SLC13A2: variants seen among roughly 807,000 people sequenced by gnomAD.
The protein encoded by SLC13A2 is solute carrier family 13 member 2, also known as Na(+)-coupled citrate transporter.
In SLC13A2, 40 loss-of-function variants were observed where a neutral mutation model predicts 58.5. That is an observed-to-expected ratio of 0.68 (90% CI 0.53 to 0.89). The LOEUF (loss-of-function observed/expected upper bound fraction) is 0.89. SLC13A2 is among the 40% of genes least tolerant of loss of function. The pLI is 0.00. For missense variants in SLC13A2, 694 were observed against 772.6 expected, an observed-to-expected ratio of 0.90 and a Z score of 1.21; for synonymous variants, 341 against 331.6, an observed-to-expected ratio of 1.03 and a Z score of -0.31.
chr17:28,481,900 A>G (rs782087723), intron 1 of SLC13A2, among the ~76,000 whole-genome samples: 1 of 152,160 alleles, frequency 6.6e-6, no homozygotes, highest in Non-Finnish European at 1.5e-5. Flanking sequence ...GGCTCGAGCA[A>G]TCCTCCTGCC....
rs1488077505 is a variant in SLC13A2, at chr17:28,477,187, TTTTTTG to T, written c.102+3379_102+3384del. 2.8e-5 allele frequency among the ~76,000 whole-genome samples: 3 copies of T among 108,104 alleles called. 1 individual carries two copies. The highest frequency in any genetic ancestry group is 5.9e-5 in the Non-Finnish European group (3 of 50,452). The allele number at this position is 108,104 out of a possible 152,430, so 70.9% of individuals were successfully genotyped here. A position where few individuals can be genotyped will look rare whatever the true frequency, so the allele number is the denominator to read the frequency against. ...AAAAAACAAATAAAAAACACCCAAG[TTTTTTG>T]TTTTTTTTTTTTTTTTTTGAGACTG... is the stretch of plus-strand genomic sequence containing the variant. On this transcript the variant is annotated intron_variant, in intron 1 of 11. Transcript: ENST00000314669.
chr17:28,494,034 C>T lies in SLC13A2; in HGVS notation c.1115C>T (p.Thr372Ile). Residue 372 changes from threonine (T) to isoleucine (I), a missense_variant, in exon 8 of 12, where the codon ACA (threonine) becomes ATA (isoleucine). Physicochemically the swap from Thr to Ile is moderately conservative, Grantham distance 89. Coordinates refer to ENST00000314669, the MANE Select transcript of SLC13A2 (RefSeq NM_003984.4). This position sits in a 1 kb window ranked among gnomAD's most constrained non-coding sequence, Gnocchi z 4.0. Reference protein sequence around the residue: ...AKGESMVSDGTVAIFIGIIMF... With the variant: ...AKGESMVSDGIVAIFIGIIMF... Reference sequence around the variant, plus strand: ...ACCAACAGCATGGTGTCCGATGGGACAGTGGCCATCTTCATCGGCATAATT... The same window carrying T: ...ACCAACAGCATGGTGTCCGATGGGATAGTGGCCATCTTCATCGGCATAATT... 2 of 1,614,064 alleles carry T rather than the reference C, an allele frequency of 1.2e-6. No individual in the cohort carries two copies. The highest frequency in any genetic ancestry group is 1.7e-6 in the Non-Finnish European group (2 of 1,179,960).
Position 28,490,523 on chromosome 17 carries a change from G to A in SLC13A2, c.301G>A (p.Glu101Lys). The stretch of plus-strand genomic sequence containing the variant: ...GGGGCTGCTGGTGGCCATCGCGGTG[G>A]AACACTGGAACCTGCATAAACGCAT... ...FGGLLVAIAVEHWNLHKRIAL... is the reference protein window; with the variant it reads ...FGGLLVAIAVKHWNLHKRIAL... Residue 101 changes from glutamate (E) to lysine (K), a missense_variant, in exon 3 of 12, where the codon GAA becomes AAA. Coordinates refer to ENST00000314669, the MANE Select transcript of SLC13A2 (RefSeq NM_003984.4). 6.2e-7 allele frequency: 1 copy of A among 1,614,132 alleles called. No individual in the cohort carries two copies. Among genetic ancestry groups the A allele is most frequent in the Non-Finnish European group, 8.5e-7 (1 of 1,179,984 alleles).
At position 28,493,670 on chromosome 17, in the gene SLC13A2, C is replaced by T. The variant is rs1487571469; in HGVS notation, c.978C>T (p.Thr326=). 1 of 1,614,254 alleles carries T rather than the reference C, an allele frequency of 6.2e-7. No individual in the cohort carries two copies. Among genetic ancestry groups the T allele is most frequent in the Admixed American group, 1.7e-5 (1 of 60,032 alleles). ...AGCACAGGCTGCTGGGCCCCATGACCTTTGCAGAAAAGGCCATCAGCATCC... is the reference window on the plus strand; with the variant it reads ...AGCACAGGCTGCTGGGCCCCATGACTTTTGCAGAAAAGGCCATCAGCATCC... The part of the protein sequence containing the change: ...QTEHRLLGPM[T]FAEKAISILF... Residue 326 remains threonine (T), a synonymous_variant, in exon 7 of 12, where the codon ACC becomes ACT. Coordinates refer to ENST00000314669, the MANE Select transcript of SLC13A2 (RefSeq NM_003984.4).
chr17:28,475,632 G>C (rs543276388), intron 1 of SLC13A2, among the ~76,000 whole-genome samples: 1 of 152,258 alleles, frequency 6.6e-6, no homozygotes, highest in African/African-American at 2.4e-5. Context: ...CCATCTCCAA[G>C]ACTCAGATCC....
At chr17:28,495,542 A>C in intron 9 of SLC13A2, 113 bp from the exon 10 acceptor site, 1 of 1,084,904 alleles carries the variant, frequency 9.2e-7, no homozygotes, top group Non-Finnish European at 1.3e-6. Context: ...GCTGTCTTTG[A>C]CTCTGAATAC....
rs1555604044 is a variant in SLC13A2 at position 28,493,780 on chromosome 17, A to AG, written c.1093dup (p.Glu365GlyfsTer72). On this transcript the variant is annotated frameshift_variant, in exon 7 of 12. Transcript: ENST00000314669. LOFTEE classifies it high-confidence loss of function. ...GGCAATTTGGCTTTTCCCAATGCCAAGGGGGAGAGGTGAGAGTTGCAGGGG... is the reference window on the plus strand; with the variant it reads ...GGCAATTTGGCTTTTCCCAATGCCAAGGGGGGAGAGGTGAGAGTTGCAGGGG... 2 of 1,614,114 alleles carry AG rather than the reference A, an allele frequency of 1.2e-6. No homozygotes were observed. Among genetic ancestry groups the AG allele is most frequent in the South Asian group, 1.1e-5 (1 of 91,072 alleles).
chr17:28,497,083 A>T lies in SLC13A2; in HGVS notation c.1609-16A>T, dbSNP rs782299837. The T allele has an allele frequency of 9.3e-6, 15 of 1,611,618 alleles. No homozygotes were observed. The highest frequency in any genetic ancestry group is 8.3e-5 in the Admixed American group (5 of 59,904). Reference sequence around the variant, plus strand: ...GCCCAGTCCCTGCTTAGCCAAATGGACTCTCCTCACACCAGGCCCGGGCAG... The same window carrying T: ...GCCCAGTCCCTGCTTAGCCAAATGGTCTCTCCTCACACCAGGCCCGGGCAG... On this transcript the variant is annotated splice_polypyrimidine_tract_variant and intron_variant, in intron 11 of 11. Coordinates refer to ENST00000314669, the MANE Select transcript of SLC13A2 (RefSeq NM_003984.4).
At chr17:28,491,365 C>T (rs1254921333) in intron 4 of SLC13A2, 72 bp from the exon 5 acceptor site, 1 of 1,538,672 alleles carries the variant, frequency 6.5e-7, no homozygotes, top group Non-Finnish European at 8.9e-7. Context: ...CCTGGAGGGC[C>T]TTGCAGCCCT....
At chr17:28,490,659 A>G (rs782444556) in intron 3 of SLC13A2, 42 bp from the exon 4 acceptor site, 1 of 1,594,288 alleles carries the variant, frequency 6.3e-7, no homozygotes, top group South Asian at 1.1e-5. Context: ...CAGTCCCTGA[A>G]GGGAAGCTGG....
chr17:28,475,068 G>A (rs781936442), intron 1 of SLC13A2, among the ~76,000 whole-genome samples: 2 of 152,168 alleles, frequency 1.3e-5, no homozygotes, highest in Non-Finnish European at 2.9e-5. Context: ...TCAGTGCTAG[G>A]GACCCATCAG....
At chr17:28,474,431 C>T (rs1397146762) in intron 1 of SLC13A2, among the ~76,000 whole-genome samples, 1 of 152,038 alleles carries the variant, frequency 6.6e-6, no homozygotes, top group Non-Finnish European at 1.5e-5. Context: ...ACTGCCTCCT[C>T]CTCCGCCCCC....
In SLC13A2 at chr17:28,491,480, G is replaced by T; in HGVS notation, c.618G>T (p.Gly206=). The change falls in exon 5 of 12, where the codon GGG becomes GGT. Residue 206 remains glycine, a synonymous_variant. Coordinates refer to ENST00000314669, the MANE Select transcript of SLC13A2 (RefSeq NM_003984.4). ...ALPVTSASSE[G]RAHLSQKHLH... ...CTGTCACGTCTGCCTCTTCGGAGGGGAGGGCACATCTCAGCCAGAAGCATC... is the reference window on the plus strand; with the variant it reads ...CTGTCACGTCTGCCTCTTCGGAGGGTAGGGCACATCTCAGCCAGAAGCATC... 6.2e-7 allele frequency: 1 copy of T among 1,613,774 alleles called. No homozygotes were observed. Among genetic ancestry groups the T allele is most frequent in the Admixed American group, 1.7e-5 (1 of 60,034 alleles).
At chr17:28,490,316 A>C (rs782110552) in intron 2 of SLC13A2, 138 bp from the exon 3 acceptor site, 3 of 1,597,736 alleles carry the variant, frequency 1.9e-6, no homozygotes, top group Non-Finnish European at 2.6e-6. Context: ...GATCATTCAG[A>C]GACCATTTCC....
chr17:28,480,284 T>C (rs191788972), intron 1 of SLC13A2, among the ~76,000 whole-genome samples: 115 of 151,158 alleles, frequency 7.6e-4, no homozygotes, highest in African/African-American at 2.7e-3. Context: ...AAGTGAGCAG[T>C]GATCATGCCA....
chr17:28,480,110 C>T (rs782340880), intron 1 of SLC13A2, among the ~76,000 whole-genome samples: 1 of 150,510 alleles, frequency 6.6e-6, no homozygotes, highest in African/African-American at 2.5e-5. Flanking sequence ...GCCAAGATCA[C>T]GCCACTGCAC....
In SLC13A2 at chr17:28,495,702, GA is replaced by G. The variant is rs1555604498; in HGVS notation, c.1357del (p.Ser453ValfsTer35). On this transcript the variant is annotated frameshift_variant, in exon 10 of 12. Transcript: ENST00000314669. LOFTEE classifies it high-confidence loss of function. ...TGGGAAACAAGCTGACCCCACTGCA[GA>G]GTGTGCCAGCTCCAGCCATTGCCAT... The part of the protein sequence containing the change: ...WLGNKLTPLQ[S>X]VPAPAIAIIL... 6.2e-7 allele frequency: 1 copy of G among 1,612,396 alleles called. No homozygotes were observed. The highest frequency in any genetic ancestry group is 8.5e-7 in the Non-Finnish European group (1 of 1,179,966).
Position 28,490,442 on chromosome 17 carries a change from TCCACCTGCCAGGTTG to T in SLC13A2, c.232-9_237del. 2 of 1,614,054 alleles carry T rather than the reference TCCACCTGCCAGGTTG, an allele frequency of 1.2e-6. No homozygotes were observed. Among genetic ancestry groups the T allele is most frequent in the Non-Finnish European group, 1.7e-6 (2 of 1,180,008 alleles). Reference sequence around the variant, plus strand: ...GGTCTTCCCGCCGCTCAGCCATGTCTCCACCTGCCAGGTTGCCGTCGAGTATCTTAAGGACTCCAA... The same window carrying T: ...GGTCTTCCCGCCGCTCAGCCATGTCTCCGTCGAGTATCTTAAGGACTCCAA... On this transcript the variant is annotated splice_acceptor_variant and splice_polypyrimidine_tract_variant and coding_sequence_variant and intron_variant, in exon 3 of 12. Coordinates refer to ENST00000314669, the MANE Select transcript of SLC13A2 (RefSeq NM_003984.4). LOFTEE classifies it high-confidence loss of function.
In SLC13A2 at chr17:28,495,811, T is replaced by G; in HGVS notation, c.1465T>G (p.Ser489Ala). ...TTTIFLPILA[S>A]MAQAICLHPL... Reference sequence around the variant, plus strand: ...TACGATCTTCCTGCCCATCCTAGCCTCCATGGTGAGCTGGCCCTCAGAAAC... The same window carrying G: ...TACGATCTTCCTGCCCATCCTAGCCGCCATGGTGAGCTGGCCCTCAGAAAC... Residue 489 changes from serine to alanine, a missense_variant, in exon 10 of 12, where the codon TCC becomes GCC. Transcript: ENST00000314669. 1 of 1,612,084 alleles carries G rather than the reference T, an allele frequency of 6.2e-7. No homozygotes were observed. Among genetic ancestry groups the G allele is most frequent in the South Asian group, 1.1e-5 (1 of 90,868 alleles).
Sources: gnomAD v4.1 joint callset for allele counts (sites outside exome capture counted in the v4.1 genomes callset) on GRCh38, gnomAD v4.1.1 for gene constraint, Gnocchi (gnomAD v3.1) non-coding constraint, MANE v1.5 for transcripts, NCBI Gene and HGNC (gene_info 2026-07-23, HGNC 2026-07-21) for gene names.